ANKS1B: variants seen among roughly 807,000 people sequenced by gnomAD.
ANKS1B encodes the protein ankyrin repeat and sterile alpha motif domain containing 1B.
ANKS1B carries 36 observed loss-of-function variants against 148.3 expected under a neutral mutation model. The observed-to-expected ratio is 0.24, with a 90% CI of 0.19 to 0.32. The LOEUF (loss-of-function observed/expected upper bound fraction) is 0.32, where lower values mean the gene tolerates loss of function less well. Among genes scored for constraint, ANKS1B ranks in the 10% least tolerant of loss-of-function variants. The pLI is 1.00. For synonymous variants in ANKS1B, 542 were observed against 560.8 expected, an observed-to-expected ratio of 0.97 and a Z score of 0.47; for missense variants, 1,157 against 1,542.6, an observed-to-expected ratio of 0.75 and a Z score of 4.19.
chr12:99,219,438 A>G (rs2084740359), intron 14 of ANKS1B, among the ~76,000 whole-genome samples: 1 of 152,178 alleles, frequency 6.6e-6, no homozygotes, highest in Non-Finnish European at 1.5e-5. Flanking sequence ...CCGACAAAGA[A>G]ACAAGATTTT....
At chr12:99,454,280 T>C (rs985526858) in intron 10 of ANKS1B, among the ~76,000 whole-genome samples, 1 of 152,230 alleles carries the variant, frequency 6.6e-6, no homozygotes, top group Admixed American at 6.5e-5. Context: ...TTTCTAAAAT[T>C]ACTTTCCTTG....
chr12:98,881,091 T>G (rs1338680735), intron 17 of ANKS1B, among the ~76,000 whole-genome samples: 1 of 152,206 alleles, frequency 6.6e-6, no homozygotes, highest in Non-Finnish European at 1.5e-5. Flanking sequence ...GCAAATAATA[T>G]GGAAAATAGT....
In ANKS1B at chr12:99,141,878, CCTAA is replaced by C. The variant is rs1337849618; in HGVS notation, c.2526+12407_2526+12410del. ...CATTTGATCTCTCATCAGCATTCTA[CCTAA>C]CTGATAACTTTCCCATGGAGCAAGT... On this transcript the variant is annotated intron_variant, in intron 15 of 26. Transcript: ENST00000683438. 5.3e-5 allele frequency among the ~76,000 whole-genome samples: 8 copies of C among 152,010 alleles called. 1 individual carries two copies. The highest frequency in any genetic ancestry group is 1.9e-4 in the African/African-American group (8 of 41,400).
chr12:99,910,282 G>C (rs937688063), intron 1 of ANKS1B, among the ~76,000 whole-genome samples: 2 of 150,070 alleles, frequency 1.3e-5, no homozygotes, highest in African/African-American at 4.9e-5. Flanking sequence ...TTGAACCAGG[G>C]AGGCGGAGGT....
chr12:99,660,148 G>A (rs888849327), intron 8 of ANKS1B, among the ~76,000 whole-genome samples: 2 of 152,054 alleles, frequency 1.3e-5, no homozygotes, highest in Non-Finnish European at 2.9e-5. Context: ...GAAATTTAAA[G>A]TAATACATGC....
intron 12 of ANKS1B, chr12:99,341,131 A>G (rs2089846119): frequency 6.6e-6 from 1 of 152,122 alleles, no homozygotes; most frequent in Non-Finnish European, 1.5e-5. Context: ...TTGATTTGTC[A>G]CAGTCTTTGT....
chr12:99,899,008 T>A (rs1270843785), intron 1 of ANKS1B, among the ~76,000 whole-genome samples: 1 of 152,178 alleles, frequency 6.6e-6, no homozygotes, highest in African/African-American at 2.4e-5. Context: ...TCAGAGAGAT[T>A]AATAACTTTG....
rs142018178 is a variant in ANKS1B at position 99,095,106 on chromosome 12, A to G, written c.2527-10083T>C. On this transcript the variant is annotated intron_variant, in intron 15 of 26. Coordinates refer to ENST00000683438, the MANE Select transcript of ANKS1B (RefSeq NM_001352186.2). Reference sequence around the variant, plus strand: ...AAAGCCATATGACAAGGATGAAATCAGAATAGTCTTTGATAAAGGTTCTAT... The same window carrying G: ...AAAGCCATATGACAAGGATGAAATCGGAATAGTCTTTGATAAAGGTTCTAT... 4.3e-3 allele frequency among the ~76,000 whole-genome samples: 655 copies of G among 152,316 alleles called. 4 individuals are homozygous for G. Among genetic ancestry groups the G allele is most frequent in the African/African-American group, 0.015 (633 of 41,572 alleles).
chr12:99,672,972 A>C (rs2098545420), intron 8 of ANKS1B, among the ~76,000 whole-genome samples: 1 of 152,146 alleles, frequency 6.6e-6, no homozygotes, highest in Non-Finnish European at 1.5e-5. Flanking sequence ...TCTAAAAGCC[A>C]AACTGATTTT....
At chr12:99,954,911 C>T (rs1168098268) in intron 1 of ANKS1B, among the ~76,000 whole-genome samples, 2 of 152,250 alleles carry the variant, frequency 1.3e-5, no homozygotes, top group African/African-American at 2.4e-5. Context: ...AGGTCAACAA[C>T]GAAATAAAAC....
At chr12:99,881,924 C>T (rs966159834) in intron 1 of ANKS1B, among the ~76,000 whole-genome samples, 1 of 152,094 alleles carries the variant, frequency 6.6e-6, no homozygotes, top group African/African-American at 2.4e-5. Context: ...TACAAAGAGC[C>T]AGAAAAATTT....
chr12:99,449,653 C>A (rs74362602), intron 10 of ANKS1B, among the ~76,000 whole-genome samples: 2,229 of 151,960 alleles, frequency 0.015, 75 homozygotes, highest in African/African-American at 0.051. Context: ...AAAGAAACAC[C>A]ATCAGAATTA....
At chr12:99,902,917 A>ATTGTTGTTG (rs3054225) in intron 1 of ANKS1B, among the ~76,000 whole-genome samples, 28,851 of 150,084 alleles carry the variant, frequency 0.19, 2,990 homozygotes, top group Non-Finnish European at 0.23. Flanking sequence ...CGCCCGGCTA[A>ATTGTTGTTG]TTGTTGTTGT....
At chr12:99,332,900 G>A (rs1222335612) in intron 12 of ANKS1B, among the ~76,000 whole-genome samples, 2 of 151,888 alleles carry the variant, frequency 1.3e-5, no homozygotes, top group Non-Finnish European at 2.9e-5. Flanking sequence ...TTGGGGTCTG[G>A]TGGTCAGAGA....
intron 14 of ANKS1B, among the ~76,000 whole-genome samples, chr12:99,220,282 G>A (rs1420788156): frequency 6.6e-6 from 1 of 151,892 alleles, no homozygotes; most frequent in Non-Finnish European, 1.5e-5. Context: ...ACAGGTGTAA[G>A]CCACCATGCC....
intron 17 of ANKS1B, among the ~76,000 whole-genome samples, chr12:98,914,873 A>T (rs1471832823): frequency 1.3e-5 from 2 of 152,136 alleles, no homozygotes; most frequent in Non-Finnish European, 2.9e-5. Flanking sequence ...ATGATTTTTC[A>T]TCCCTCCTTT....
intron 9 of ANKS1B, among the ~76,000 whole-genome samples, chr12:99,646,823 T>C (rs1399830407): frequency 6.6e-6 from 1 of 151,856 alleles, no homozygotes; most frequent in Admixed American, 6.6e-5. Context: ...TTTACAGCTT[T>C]TTTTTTTCTC....
rs528608365 is a variant in ANKS1B at position 99,195,641 on chromosome 12, A to G, written c.2420-41246T>C. Among the ~76,000 whole-genome samples, 198 of 152,262 alleles carry G rather than the reference A, an allele frequency of 1.3e-3. 1 individual carries two copies. The highest frequency in any genetic ancestry group is 4.5e-3 in the African/African-American group (186 of 41,562). ...TGTAGGAGTTGGGTCAAAAAAGCTC[A>G]GCAGGAAACAGGATGCCACATCTAA... On this transcript the variant is annotated intron_variant, in intron 14 of 26. Transcript: ENST00000683438.
intron 17 of ANKS1B, among the ~76,000 whole-genome samples, chr12:98,834,997 C>T (rs190713354): frequency 6.6e-6 from 1 of 152,216 alleles, no homozygotes; most frequent in Admixed American, 6.5e-5. Flanking sequence ...ATCTTCACCG[C>T]CTTTCTCCCA....
Sources: gnomAD v4.1 joint callset for allele counts (sites outside exome capture counted in the v4.1 genomes callset) on GRCh38, gnomAD v4.1.1 for gene constraint, MANE v1.5 for transcripts, NCBI Gene and HGNC (gene_info 2026-07-23, HGNC 2026-07-21) for gene names.